Variants in INO80 observed in about 807,000 individuals in gnomAD.
INO80 encodes chromatin-remodeling ATPase INO80.
A neutral mutation model predicts 203.4 loss-of-function variants in INO80; 20 were observed. The ratio of observed to expected loss-of-function variants is 0.10; its 90% CI spans 0.07 to 0.14. The LOEUF is 0.14. Ranked by LOEUF, INO80 falls within the 10% of genes least tolerant of loss-of-function variation. INO80 has a pLI of 1.00. For missense variants in INO80, 1,419 were observed against 1,914.4 expected, an observed-to-expected ratio of 0.74 and a Z score of 4.83; for synonymous variants, 726 against 685.2, an observed-to-expected ratio of 1.06 and a Z score of -0.93.
Position 41,081,048 on chromosome 15 carries a change from C to T in INO80, c.899G>A (p.Arg300His), listed in dbSNP as rs754065165. The stretch of plus-strand genomic sequence containing the variant: ...TCGGCTATTGGTGAGAAACAGGTTA[C>T]GAGCTGAAGCTTTCTGCTTATTTGC... ...PKANKQKASA[R>H]NLFLTNSRKL... The change falls in exon 8 of 36, where the codon CGT (arginine) becomes CAT (histidine). Residue 300 changes from arginine (R) to histidine (H), a missense_variant. Around this residue, in one of 9 missense-constraint regions of INO80, gnomAD observed 87 missense variants for 150.5 expected, o/e 0.58. Transcript: ENST00000648947. 4 of 1,600,330 alleles carry T rather than the reference C, an allele frequency of 2.5e-6. No individual in the cohort carries two copies. Among genetic ancestry groups the T allele is most frequent in the South Asian group, 2.2e-5 (2 of 90,286 alleles).
intron 1 of INO80, among the ~76,000 whole-genome samples, chr15:41,101,731 T>C (rs2045810448): frequency 6.6e-6 from 1 of 151,918 alleles, no homozygotes; most frequent in Non-Finnish European, 1.5e-5. Flanking sequence ...TTTTGTATTT[T>C]AGTAGAGACG....
chr15:41,075,600 G>A (rs1313546385), intron 9 of INO80, among the ~76,000 whole-genome samples: 3 of 152,044 alleles, frequency 2.0e-5, no homozygotes, highest in Admixed American at 2.0e-4. Flanking sequence ...GACTACAGGC[G>A]CCTGCCAACA....
In INO80 at chr15:41,084,159, G is replaced by A. The variant is rs79731502; in HGVS notation, c.873+1210C>T. 4.4e-3 allele frequency among the ~76,000 whole-genome samples: 663 copies of A among 150,284 alleles called. 23 individuals carry two copies. Among genetic ancestry groups the A allele is most frequent in the Admixed American group, 0.035 (530 of 15,056 alleles). ...AACAACTGGTGAATCTCACTTAAGGGTAAACAGACATTCCTTGGACTATAA... is the reference window on the plus strand; with the variant it reads ...AACAACTGGTGAATCTCACTTAAGGATAAACAGACATTCCTTGGACTATAA... On this transcript the variant is annotated intron_variant, in intron 7 of 35. Coordinates refer to ENST00000648947, the MANE Select transcript of INO80 (RefSeq NM_017553.3).
In INO80 at chr15:41,036,156, GAAAAAAA is replaced by G. The variant is rs369185302; in HGVS notation, c.2908-8427_2908-8421del. Among the ~76,000 whole-genome samples, 13 of 32,142 alleles carry G rather than the reference GAAAAAAA, an allele frequency of 4.0e-4. No individual in the cohort carries two copies. In the East Asian group the frequency reaches 4.2e-3, roughly 10 times the overall value. 21.1% of individuals were successfully genotyped at this position (32,142 alleles called of 152,430 possible). On this transcript the variant is annotated intron_variant, in intron 24 of 35. Coordinates refer to ENST00000648947, the MANE Select transcript of INO80 (RefSeq NM_017553.3). ...GGGCAACAGAGTGCAACTCTCTCTC[GAAAAAAA>G]AAAAAAAAAAAAAAAAAAAAAACCC...
chr15:41,048,739 A>G (rs1466557251), intron 21 of INO80, among the ~76,000 whole-genome samples: 2 of 152,234 alleles, frequency 1.3e-5, no homozygotes, highest in Non-Finnish European at 2.9e-5. Flanking sequence ...AAATGTTGAT[A>G]TGCAGAAAAA....
At position 41,049,272 on chromosome 15, in the gene INO80, G is replaced by GT; in HGVS notation, c.2576+14dup. The GT allele has an allele frequency of 6.2e-7, 1 of 1,606,122 alleles. No individual in the cohort carries two copies. The highest frequency in any genetic ancestry group is 8.5e-7 in the Non-Finnish European group (1 of 1,175,580). On this transcript the variant is annotated intron_variant, in intron 21 of 35. Coordinates refer to ENST00000648947, the MANE Select transcript of INO80 (RefSeq NM_017553.3). Reference sequence around the variant, plus strand: ...ATAAAACACTAATAGTGAACAGATAGTAATACTTCCCTACCTGTCTCGTGA... The same window carrying GT: ...ATAAAACACTAATAGTGAACAGATAGTTAATACTTCCCTACCTGTCTCGTGA...
chr15:41,048,417 G>A, intron 21 of INO80, 141 bp from the exon 22 acceptor site: 2 of 613,814 alleles, frequency 3.3e-6, no homozygotes, highest in Non-Finnish European at 5.8e-6. Flanking sequence ...ATATTACCAG[G>A]CAAAAATCAT....
chr15:41,011,054 G>A (rs956020947), intron 27 of INO80, among the ~76,000 whole-genome samples: 7 of 152,116 alleles, frequency 4.6e-5, no homozygotes, highest in African/African-American at 1.4e-4. Flanking sequence ...GCAATCATGG[G>A]CCCAAAATAA....
At position 41,027,661 on chromosome 15, in the gene INO80, T is replaced by C. The variant is rs1181586586; in HGVS notation, c.2983A>G (p.Thr995Ala). Residue 995 changes from threonine (T) to alanine (A), a missense_variant, in exon 25 of 36, where the codon ACC becomes GCC. Physicochemically the swap from Thr to Ala is moderately conservative, Grantham distance 58. This residue lies in a region of INO80 where 302 missense variants were observed against 345.4 expected (regional missense o/e 0.87). Transcript: ENST00000648947. ...AGCAGGCAGCGACGCAGCGAGGAGG[T>C]AGCTGATCTCCGCTGATGGACAACC... is the stretch of plus-strand genomic sequence containing the variant. ...DQVVHQRRSA[T>A]SSLRRCLLTE... The C allele has an allele frequency of 1.2e-6, 2 of 1,613,870 alleles. No homozygotes were observed. The highest frequency in any genetic ancestry group is 1.1e-5 in the South Asian group (1 of 91,052).
chr15:41,088,087 CTTTTTTTTTTTT>C (rs943111352), intron 5 of INO80, among the ~76,000 whole-genome samples: 1 of 101,082 alleles, frequency 9.9e-6, no homozygotes, highest in Non-Finnish European at 2.0e-5. Flanking sequence ...GCTTGCTTTT[CTTTTTTTTTTTT>C]TTTTTTTTTT....
intron 29 of INO80, among the ~76,000 whole-genome samples, chr15:40,993,137 C>T (rs930126458): frequency 6.6e-6 from 1 of 152,184 alleles, no homozygotes; most frequent in Admixed American, 6.5e-5. Flanking sequence ...AGAATTCCTA[C>T]TCTTATTCCT....
chr15:41,094,276 T>C (rs527408340), intron 4 of INO80, among the ~76,000 whole-genome samples: 2 of 152,302 alleles, frequency 1.3e-5, no homozygotes, highest in East Asian at 3.9e-4. Flanking sequence ...TAACTTCATC[T>C]TCCACCATCC....
chr15:40,997,880 AG>A (rs2043900325), intron 28 of INO80, among the ~76,000 whole-genome samples: 1 of 152,212 alleles, frequency 6.6e-6, no homozygotes, highest in Non-Finnish European at 1.5e-5. Flanking sequence ...CAAATATAAC[AG>A]AAAAATGTTA....
At chr15:41,094,661 T>A (rs1269566554) in intron 4 of INO80, among the ~76,000 whole-genome samples, 2 of 152,194 alleles carry the variant, frequency 1.3e-5, no homozygotes, top group African/African-American at 4.8e-5. Flanking sequence ...ATGGAACTTA[T>A]GGAATTAATA....
chr15:41,068,421 C>G (rs1385963164), intron 14 of INO80, among the ~76,000 whole-genome samples: 1 of 151,926 alleles, frequency 6.6e-6, no homozygotes. Context: ...ATTAGCCGGG[C>G]ATGGTGGCAC....
At chr15:41,040,081 C>A (rs2044644411) in intron 24 of INO80, among the ~76,000 whole-genome samples, 1 of 151,980 alleles carries the variant, frequency 6.6e-6, no homozygotes, top group Non-Finnish European at 1.5e-5. Flanking sequence ...CACGGGCTCA[C>A]AACTGTGATC....
chr15:41,005,062 GC>G (rs2140438041), intron 28 of INO80, among the ~76,000 whole-genome samples: 2 of 152,050 alleles, frequency 1.3e-5, no homozygotes, highest in East Asian at 3.9e-4. Flanking sequence ...GGATGTGGTG[GC>G]GCATGTCTGT....
intron 23 of INO80, 57 bp from the exon 24 acceptor site, chr15:41,045,132 G>A (rs1439339624): frequency 8.9e-6 from 12 of 1,347,696 alleles, no homozygotes; most frequent in East Asian, 4.9e-5. Context: ...TTTGAGGGTC[G>A]TTCATAGCAG....
intron 25 of INO80, among the ~76,000 whole-genome samples, chr15:41,023,784 C>A (rs3101439): frequency 0.97 from 119,618 of 123,690 alleles, 57,885 homozygotes; most frequent in Non-Finnish European, 0.99. Context: ...AAAAAAAAAA[C>A]AAAACAAAAC....
Sources: allele counts gnomAD v4.1 joint callset (sites outside exome capture counted in the v4.1 genomes callset), GRCh38; gene constraint gnomAD v4.1.1; regional missense constraint gnomAD v4.1.1; transcripts MANE v1.5; gene names NCBI Gene and HGNC (gene_info 2026-07-23, HGNC 2026-07-21).